The following OLFM1 variants were observed in gnomAD, a reference collection of about 807,000 sequenced individuals.
The protein encoded by OLFM1 is olfactomedin 1.
Under a neutral mutation model 49.7 loss-of-function variants are expected in OLFM1, and 9 were observed. The ratio of observed to expected loss-of-function variants is 0.18; its 90% CI spans 0.11 to 0.32. The LOEUF is 0.32. OLFM1 is among the 10% of genes least tolerant of loss of function. The pLI is 1.00. For synonymous variants in OLFM1, 240 were observed against 271.8 expected (o/e 0.88, Z 1.15); for missense variants, 369 against 661.8 (o/e 0.56, Z 4.85).
In OLFM1 at chr9:135,098,296, C is replaced by G; in HGVS notation, c.467C>G (p.Ala156Gly). The G allele has an allele frequency of 6.2e-7, 1 of 1,613,548 alleles. No individual in the cohort carries two copies. The highest frequency in any genetic ancestry group is 8.5e-7 in the Non-Finnish European group (1 of 1,179,892). The change falls in exon 4 of 6, where the codon GCG becomes GGG. Residue 156 changes from alanine (A) to glycine (G), a missense_variant. By Grantham distance (60) the Ala-to-Gly change is moderately conservative. This residue lies in a region of OLFM1 where 294 missense variants were observed against 567.5 expected (regional missense o/e 0.52). Coordinates refer to ENST00000371793, the MANE Select transcript of OLFM1 (RefSeq NM_001282611.2). This position sits in a 1 kb window ranked among gnomAD's most constrained non-coding sequence, Gnocchi z 5.6. ...HLARQFKAIK[A>G]KMDELRPLIP... Reference sequence around the variant, plus strand: ...ATTTTAACCTTGCAGGCGATAAAAGCGAAAATGGATGAACTTAGGCCTTTG... The same window carrying G: ...ATTTTAACCTTGCAGGCGATAAAAGGGAAAATGGATGAACTTAGGCCTTTG...
rs10858336 is a variant in OLFM1 at position 135,113,322 on chromosome 9, T to C, written c.784-6182T>C. Among the ~76,000 whole-genome samples the C allele has an allele frequency of 0.21, 32,315 of 152,068 alleles. 3,563 individuals carry two copies. Among genetic ancestry groups the C allele is most frequent in the Middle Eastern group, 0.29 (85 of 294 alleles). On this transcript the variant is annotated intron_variant, in intron 5 of 5. Coordinates refer to ENST00000371793, the MANE Select transcript of OLFM1 (RefSeq NM_001282611.2). The surrounding 1 kb of genome is among the most constrained non-coding windows in gnomAD (Gnocchi z 4.0). ...CGCCACGTCCCCACAGGTGGTCTTA[T>C]GGCCTTCTTCCTTTGGGTGGTGCCT... is the stretch of plus-strand genomic sequence containing the variant.
intron 5 of OLFM1, among the ~76,000 whole-genome samples, chr9:135,114,984 T>C (rs2119141804): frequency 6.6e-6 from 1 of 152,264 alleles, no homozygotes; most frequent in Admixed American, 6.5e-5. Context: ...CCCTGCTCTA[T>C]GGCAGGAAGG....
Position 135,088,507 on chromosome 9 carries a change from CT to C in OLFM1, c.150+370del, listed in dbSNP as rs1345873179. On this transcript the variant is annotated intron_variant, in intron 1 of 5. Transcript: ENST00000371793. This position sits in a 1 kb window ranked among gnomAD's most constrained non-coding sequence, Gnocchi z 4.8. ...GAAACTAAGGCTGGGGACTTGGGGA[CT>C]TGTCCAAGGTCACACTCAGCGAGTG... Among the ~76,000 whole-genome samples the C allele has an allele frequency of 6.6e-6, 1 of 152,092 alleles. No individual in the cohort carries two copies. Among genetic ancestry groups the C allele is most frequent in the Non-Finnish European group, 1.5e-5 (1 of 68,016 alleles).
intron 4 of OLFM1, among the ~76,000 whole-genome samples, chr9:135,099,410 C>A (rs908923712): frequency 6.6e-6 from 1 of 151,970 alleles, no homozygotes; most frequent in Non-Finnish European, 1.5e-5. Context: ...CTTTTTATTT[C>A]TACTCTCCCT....
intron 2 of OLFM1, among the ~76,000 whole-genome samples, chr9:135,094,248 T>TC (rs1830755387): frequency 6.6e-6 from 1 of 152,078 alleles, no homozygotes. Context: ...CCAGTGTCAC[T>TC]CCCCCCATGA....
rs911821162 is a variant in OLFM1, at chr9:135,115,859, G to A, written c.784-3645G>A. Among the ~76,000 whole-genome samples, 4 of 152,350 alleles carry A rather than the reference G, an allele frequency of 2.6e-5. No individual in the cohort carries two copies. The East Asian group carries it at 7.7e-4, about 29-fold the overall frequency. ...GCACGGGCTCATGTGATAATTGAAG[G>A]CAAGAGATGATGCCAGCGTCCGGCA... is the stretch of plus-strand genomic sequence containing the variant. On this transcript the variant is annotated intron_variant, in intron 5 of 5. Coordinates refer to ENST00000371793, the MANE Select transcript of OLFM1 (RefSeq NM_001282611.2).
At chr9:135,089,800 A>G (rs1830655260) in intron 1 of OLFM1, among the ~76,000 whole-genome samples, 1 of 152,114 alleles carries the variant, frequency 6.6e-6, no homozygotes, top group Non-Finnish European at 1.5e-5. Context: ...TTTCTGAAAT[A>G]CGTGCCCGCT....
In OLFM1 at chr9:135,106,862, G is replaced by A; in HGVS notation, c.783+7G>A. 4 of 1,597,954 alleles carry A rather than the reference G, an allele frequency of 2.5e-6. No homozygotes were observed. The South Asian group carries it at 3.4e-5, about 13-fold the overall frequency. On this transcript the variant is annotated splice_region_variant and intron_variant, in intron 5 of 5. Coordinates refer to ENST00000371793, the MANE Select transcript of OLFM1 (RefSeq NM_001282611.2). ...CCCTGAAGGCGATAACCGGGTGAGT[G>A]TCCCCTTATGTCATAGGGGGTCATT... is the stretch of plus-strand genomic sequence containing the variant.
chr9:135,087,635 C>A, upstream of OLFM1: 1 of 575,592 alleles, frequency 1.7e-6, no homozygotes. Context: ...CGCCTCCCGG[C>A]CGCGGCCCCC....
At chr9:135,091,691 A>T (rs1830703638) in intron 2 of OLFM1, among the ~76,000 whole-genome samples, 1 of 87,432 alleles carries the variant, frequency 1.1e-5, no homozygotes, top group Non-Finnish European at 2.1e-5. Flanking sequence ...ATAGTCTCAC[A>T]CACACACAGT....
chr9:135,085,288 A>G (rs1331555470), upstream of OLFM1, among the ~76,000 whole-genome samples: 2 of 152,200 alleles, frequency 1.3e-5, no homozygotes, highest in Non-Finnish European at 2.9e-5. Context: ...TGGCTCGTGG[A>G]ACTGTGCGGA....
intron 4 of OLFM1, among the ~76,000 whole-genome samples, chr9:135,104,167 G>T (rs1266049602): frequency 6.6e-6 from 1 of 152,200 alleles, no homozygotes; most frequent in Non-Finnish European, 1.5e-5. Flanking sequence ...GGCAGACCAG[G>T]CAAAGTGAAG....
intron 2 of OLFM1, among the ~76,000 whole-genome samples, chr9:135,091,520 CAT>C (rs548325009): frequency 3.1e-4 from 43 of 140,760 alleles, no homozygotes; most frequent in Middle Eastern, 3.8e-3. Flanking sequence ...CTCACACACA[CAT>C]AGTCACACAG....
chr9:135,082,759 CA>C (rs531985192), upstream of OLFM1, among the ~76,000 whole-genome samples: 145 of 152,244 alleles, frequency 9.5e-4, no homozygotes, highest in African/African-American at 3.4e-3. Flanking sequence ...TGCTTTGTTC[CA>C]TCAGCAATAC....
chr9:135,114,951 T>C (rs573675959), intron 5 of OLFM1, among the ~76,000 whole-genome samples: 4 of 152,198 alleles, frequency 2.6e-5, no homozygotes, highest in East Asian at 1.9e-4. Context: ...CCGGAGCTGA[T>C]GTCATCCAAG....
Position 135,119,523 on chromosome 9 carries a change from AT to A in OLFM1, c.804del (p.His269ThrfsTer16). ...GDNRVWYMDG[Y>X]HNNRFVREYK... ...CCACAGGTGTGGTACATGGACGGCT[AT>A]CACAACAACCGCTTCGTACGTGAGT... On this transcript the variant is annotated frameshift_variant, in exon 6 of 6. Transcript: ENST00000371793. LOFTEE classifies it high-confidence loss of function. The A allele has an allele frequency of 1.2e-6, 2 of 1,608,450 alleles. No individual in the cohort carries two copies. Among genetic ancestry groups the A allele is most frequent in the Non-Finnish European group, 1.7e-6 (2 of 1,176,602 alleles).
chr9:135,100,294 G>T (rs377073892), intron 4 of OLFM1, among the ~76,000 whole-genome samples: 96 of 152,342 alleles, frequency 6.3e-4, no homozygotes, highest in African/African-American at 2.2e-3. Context: ...TCCCGGATGA[G>T]CTGGCCTTCC....
chr9:135,092,418 G>A (rs1830728964), intron 2 of OLFM1, among the ~76,000 whole-genome samples: 1 of 152,220 alleles, frequency 6.6e-6, no homozygotes, highest in Non-Finnish European at 1.5e-5. Context: ...TGAAGGAATA[G>A]AATTTGTTTT....
At chr9:135,100,883 C>A (rs534449951) in intron 4 of OLFM1, among the ~76,000 whole-genome samples, 3 of 152,044 alleles carry the variant, frequency 2.0e-5, no homozygotes, top group East Asian at 3.9e-4. Flanking sequence ...GTGATGACAG[C>A]TGACTGATAA....
Sources: gnomAD v4.1 joint callset for allele counts (sites outside exome capture counted in the v4.1 genomes callset) on GRCh38, gnomAD v4.1.1 for gene constraint, gnomAD v4.1.1 regional missense constraint, Gnocchi (gnomAD v3.1) non-coding constraint, MANE v1.5 for transcripts, NCBI Gene and HGNC (gene_info 2026-07-23, HGNC 2026-07-21) for gene names.